ZNF48: variants seen among roughly 807,000 people sequenced by gnomAD.
The protein encoded by ZNF48 is zinc finger protein 48.
In ZNF48, 20 loss-of-function variants were observed where a neutral mutation model predicts 40.0. The observed-to-expected ratio is 0.50, with a 90% CI of 0.35 to 0.73. The LOEUF (loss-of-function observed/expected upper bound fraction) is 0.73, where lower values mean the gene tolerates loss of function less well. Ranked by LOEUF, ZNF48 falls within the 30% of genes least tolerant of loss-of-function variation. ZNF48 has a pLI of 0.01. For missense variants in ZNF48, 726 were observed against 851.9 expected, an observed-to-expected ratio of 0.85 and a Z score of 1.84; for synonymous variants, 298 against 329.7, an observed-to-expected ratio of 0.90 and a Z score of 1.04.
chr16:30,379,640 C>CTTT (rs71149011), intron 1 of ZNF48: 12,416 of 235,204 alleles, frequency 0.053, 280 homozygotes, highest in East Asian at 0.085. Context: ...GCCCCTTCCT[C>CTTT]TTTTTTTTTT....
At chr16:30,386,262 G>C (rs1295894525) in intron 1 of ZNF48, among the ~76,000 whole-genome samples, 1 of 152,140 alleles carries the variant, frequency 6.6e-6, no homozygotes, top group East Asian at 1.9e-4. Flanking sequence ...ATGGGTGACA[G>C]AGCGAGACCC....
At chr16:30,379,322 C>A in intron 1 of ZNF48, 1 of 1,429,006 alleles carries the variant, frequency 7.0e-7, no homozygotes, top group Non-Finnish European at 9.7e-7. Context: ...CCCCCCTTTC[C>A]TCCTAGGATC....
At chr16:30,380,175 C>T (rs1006161978) in intron 1 of ZNF48, 3 of 570,488 alleles carry the variant, frequency 5.3e-6, no homozygotes, top group Non-Finnish European at 8.6e-6. Context: ...GAGAGATGGA[C>T]ATACAGGAAG....
intron 1 of ZNF48, among the ~76,000 whole-genome samples, chr16:30,387,984 G>T (rs1213584745): frequency 2.8e-5 from 4 of 145,102 alleles, no homozygotes; most frequent in Non-Finnish European, 4.5e-5. Context: ...TTCTTTTTTG[G>T]AGAGGGAGTT....
Position 30,381,071 on chromosome 16 carries a change from G to T in ZNF48, c.-16+2661G>T. On this transcript the variant is annotated intron_variant, in intron 1 of 2. Coordinates refer to the ZNF48 transcript ENST00000528032. This position sits in a 1 kb window ranked among gnomAD's most constrained non-coding sequence, Gnocchi z 4.3. ...CCACTTCAAGATCAAAGAAGTCTAA[G>T]CTGAAATCAGGTTTGGCTTCACATG... is the stretch of plus-strand genomic sequence containing the variant. 1 of 1,346,508 alleles carries T rather than the reference G, an allele frequency of 7.4e-7. No individual in the cohort carries two copies. The highest frequency in any genetic ancestry group is 1.2e-5 in the South Asian group (1 of 85,748). The allele number at this position is 1,346,508 out of a possible 1,614,324, so 83.4% of individuals were successfully genotyped here. A position where few individuals can be genotyped will look rare whatever the true frequency, so the allele number is the denominator to read the frequency against.
intron 2 of ZNF48, among the ~76,000 whole-genome samples, chr16:30,396,346 A>G (rs1346463129): frequency 6.6e-6 from 1 of 151,854 alleles, no homozygotes; most frequent in Non-Finnish European, 1.5e-5. Context: ...ATTCCACTCC[A>G]TTATTTTCTC....
chr16:30,395,372 C>T, upstream of ZNF48: 2 of 451,466 alleles, frequency 4.4e-6, no homozygotes, highest in South Asian at 3.1e-5. The surrounding 1 kb of genome is among the most constrained non-coding windows in gnomAD (Gnocchi z 5.9). Flanking sequence ...CGCAGCTCCT[C>T]CAAGGTCCTA....
rs71149011 is a variant in ZNF48 at position 30,379,640 on chromosome 16, CTTTT to C, written c.-16+1253_-16+1256del. ...CCTCCTCTGCTTCCTGCCCCTTCCT[CTTTT>C]TTTTTTTTTTTTTTTTTTTTTTGAG... On this transcript the variant is annotated intron_variant, in intron 1 of 2. Coordinates refer to the ZNF48 transcript ENST00000528032. The C allele has an allele frequency of 6.9e-3, 1,639 of 238,962 alleles. 3 individuals are homozygous for C. The highest frequency in any genetic ancestry group is 0.017 in the African/African-American group (466 of 27,008). The allele number at this position is 238,962 out of a possible 1,614,324, so 14.8% of individuals were successfully genotyped here. A position where few individuals can be genotyped will look rare whatever the true frequency, so the allele number is the denominator to read the frequency against.
chr16:30,378,633 G>C, intron 1 of ZNF48: 4 of 1,611,034 alleles, frequency 2.5e-6, no homozygotes, highest in Non-Finnish European at 2.5e-6. Context: ...TCGCGGATCA[G>C]CTTCTCGGTG....
Position 30,381,443 on chromosome 16 carries a change from C to T in ZNF48, c.-16+3033C>T, listed in dbSNP as rs2151111493. The T allele has an allele frequency of 1.2e-6, 2 of 1,614,036 alleles. No homozygotes were observed. Among genetic ancestry groups the T allele is most frequent in the South Asian group, 1.1e-5 (1 of 91,062 alleles). On this transcript the variant is annotated intron_variant, in intron 1 of 2. Transcript: ENST00000528032. This position sits in a 1 kb window ranked among gnomAD's most constrained non-coding sequence, Gnocchi z 4.3. ...CATCCCTAAGGTACTGCTCAAATTG[C>T]TCCTCGATGAATTTCACCACCGGAA... is the stretch of plus-strand genomic sequence containing the variant.
At position 30,398,360 on chromosome 16, in the gene ZNF48, C is replaced by G; in HGVS notation, c.1110C>G (p.Leu370=). Residue 370 remains leucine (L), a synonymous_variant, in exon 3 of 3, where the codon CTC becomes CTG. Coordinates refer to ENST00000613509, the MANE Select transcript of ZNF48 (RefSeq NM_001214909.2). This position sits in a 1 kb window ranked among gnomAD's most constrained non-coding sequence, Gnocchi z 6.6. ...CGGAATGCGACCGTACCTTCAGCCT[C>G]AGCTCCACCCTTCTTCGCCACCGCC... The part of the protein sequence containing the change: ...ACPECDRTFS[L]SSTLLRHRLT... 6.2e-7 allele frequency: 1 copy of G among 1,613,276 alleles called. No homozygotes were observed. The highest frequency in any genetic ancestry group is 1.1e-5 in the South Asian group (1 of 91,064).
chr16:30,378,347 G>A, exon 1 of ZNF48: 2 of 1,291,216 alleles, frequency 1.5e-6, no homozygotes, highest in Non-Finnish European at 2.1e-6. Flanking sequence ...CGGAGGTCCC[G>A]GGGGGCGCTG....
rs770470106 is a variant in ZNF48 at position 30,381,313 on chromosome 16, C to T, written c.-16+2903C>T. On this transcript the variant is annotated intron_variant, in intron 1 of 2. Transcript: ENST00000528032. This position sits in a 1 kb window ranked among gnomAD's most constrained non-coding sequence, Gnocchi z 4.3. ...ACCCCCCAGCCCTCCCTAAATGCGC[C>T]AGCCCCCAGGATCCCCCCACCAGAC... 24 of 1,612,468 alleles carry T rather than the reference C, an allele frequency of 1.5e-5. No individual in the cohort carries two copies. The highest frequency in any genetic ancestry group is 2.0e-5 in the Non-Finnish European group (24 of 1,178,964).
Position 30,396,533 on chromosome 16 carries a change from A to G in ZNF48, c.79+660A>G, listed in dbSNP as rs142426848. ...TGTGCCTGGGTCCTCTCAGGTACACACAGGATAACTGATGTAATAAATTAC... is the reference window on the plus strand; with the variant it reads ...TGTGCCTGGGTCCTCTCAGGTACACGCAGGATAACTGATGTAATAAATTAC... On this transcript the variant is annotated intron_variant, in intron 2 of 2. Transcript: ENST00000613509. 1.5e-3 allele frequency among the ~76,000 whole-genome samples: 225 copies of G among 152,296 alleles called. 1 individual carries two copies. Among genetic ancestry groups the G allele is most frequent in the African/African-American group, 4.7e-3 (196 of 41,572 alleles).
chr16:30,389,853 T>A (rs1044832385), intron 1 of ZNF48, among the ~76,000 whole-genome samples: 2 of 138,094 alleles, frequency 1.4e-5, no homozygotes, highest in Non-Finnish European at 3.1e-5. Context: ...TTTTTTTTTT[T>A]AGAAACAGGG....
Position 30,381,606 on chromosome 16 carries a change from C to A in ZNF48, c.-16+3196C>A, listed in dbSNP as rs1300488820. On this transcript the variant is annotated intron_variant, in intron 1 of 2. Transcript: ENST00000528032. This position sits in a 1 kb window ranked among gnomAD's most constrained non-coding sequence, Gnocchi z 4.3. ...AGACATTAAGGGGAACTGGTGGGGG[C>A]CTAGGTGAGTCATCAAGAAGCACAG... 7.6e-6 allele frequency: 11 copies of A among 1,451,454 alleles called. No homozygotes were observed. The Admixed American group carries it at 2.1e-4, about 28-fold the overall frequency. 89.9% of individuals were successfully genotyped at this position (1,451,454 alleles called of 1,614,324 possible). A position where few individuals can be genotyped will look rare whatever the true frequency, so the allele number is the denominator to read the frequency against.
chr16:30,391,495 T>TC (rs2049942390), upstream of ZNF48, among the ~76,000 whole-genome samples: 1 of 151,372 alleles, frequency 6.6e-6, no homozygotes, highest in South Asian at 2.1e-4. Context: ...GCAGTCTTTT[T>TC]CTTTTCTTTT....
chr16:30,381,986 A>C lies in ZNF48; in HGVS notation c.-16+3576A>C. The C allele has an allele frequency of 6.2e-7, 1 of 1,603,616 alleles. No individual in the cohort carries two copies. The highest frequency in any genetic ancestry group is 1.1e-5 in the South Asian group (1 of 90,420). On this transcript the variant is annotated intron_variant, in intron 1 of 2. Coordinates refer to the ZNF48 transcript ENST00000528032. This position sits in a 1 kb window ranked among gnomAD's most constrained non-coding sequence, Gnocchi z 4.3. ...CCTGCACCCATTTCCCAGGGGAGGA[A>C]AGTCTCAGAAAAAAAGCAGTCAACT...
chr16:30,379,903 G>T (rs369810763), intron 1 of ZNF48: 5 of 1,272,542 alleles, frequency 3.9e-6, no homozygotes, highest in Non-Finnish European at 5.7e-6. Context: ...CACCGTGCCC[G>T]GCCTGCCTTC....
Sources: allele counts gnomAD v4.1 joint callset (sites outside exome capture counted in the v4.1 genomes callset), GRCh38; gene constraint gnomAD v4.1.1; non-coding constraint Gnocchi (gnomAD v3.1); transcripts MANE v1.5; gene names NCBI Gene and HGNC (gene_info 2026-07-23, HGNC 2026-07-21).